Variants in TOP1 observed in about 807,000 individuals in gnomAD.
The protein encoded by TOP1 is DNA topoisomerase I.
A neutral mutation model predicts 111.1 loss-of-function variants in TOP1; 10 were observed. That is an observed-to-expected ratio of 0.09 (90% CI 0.06 to 0.15). TOP1 has a LOEUF of 0.15. Among genes scored for constraint, TOP1 ranks in the 10% least tolerant of loss-of-function variants. The probability of loss-of-function intolerance (pLI) is 1.00; values close to 1 mark genes in which losing one functional copy is unlikely to be tolerated. For missense variants in TOP1, 474 were observed against 926.7 expected (o/e 0.51, Z 6.34); for synonymous variants, 271 against 302.9 (o/e 0.89, Z 1.10).
At chr20:41,035,524 T>C (rs879672208) in intron 2 of TOP1, among the ~76,000 whole-genome samples, 11 of 152,210 alleles carry the variant, frequency 7.2e-5, no homozygotes, top group Non-Finnish European at 1.2e-4. Context: ...TATTTGTTGT[T>C]GTAAATGATG....
rs1483871223 is a variant in TOP1 at position 41,034,870 on chromosome 20, C to G, written c.58+5415C>G. Among the ~76,000 whole-genome samples the G allele has an allele frequency of 1.3e-5, 2 of 151,608 alleles. No individual in the cohort carries two copies. The highest frequency in any genetic ancestry group is 2.9e-5 in the Non-Finnish European group (2 of 67,936). The stretch of plus-strand genomic sequence containing the variant: ...GAAGGTAGGCAACTTTTAATTTTAA[C>G]TTCTTTCCTTTACTTTTTTTTTGGG... On this transcript the variant is annotated intron_variant, in intron 2 of 20. Coordinates refer to ENST00000361337, the MANE Select transcript of TOP1 (RefSeq NM_003286.4). This position sits in a 1 kb window ranked among gnomAD's most constrained non-coding sequence, Gnocchi z 4.0.
Position 41,112,815 on chromosome 20 carries a change from C to T in TOP1, c.1342C>T (p.Arg448Trp), listed in dbSNP as rs2145964007. Reference sequence around the variant, plus strand: ...GGACTGGCAGAAATACGAGACTGCTCGGCGGCTGAAAAAATGTGTGGACAA... The same window carrying T: ...GGACTGGCAGAAATACGAGACTGCTTGGCGGCTGAAAAAATGTGTGGACAA... ...EKDWQKYETA[R>W]RLKKCVDKIR... is the part of the protein sequence containing the mutation. The change falls in exon 14 of 21, where the codon CGG becomes TGG. Residue 448 changes from arginine (R) to tryptophan (W), a missense_variant. By Grantham distance (101) the Arg-to-Trp change is moderately radical. Coordinates refer to ENST00000361337, the MANE Select transcript of TOP1 (RefSeq NM_003286.4). The surrounding 1 kb of genome is among the most constrained non-coding windows in gnomAD (Gnocchi z 5.8). The T allele has an allele frequency of 6.2e-7, 1 of 1,614,174 alleles. No individual in the cohort carries two copies. Among genetic ancestry groups the T allele is most frequent in the South Asian group, 1.1e-5 (1 of 91,076 alleles).
intron 13 of TOP1, among the ~76,000 whole-genome samples, chr20:41,111,107 G>C (rs562920910): frequency 6.6e-6 from 1 of 152,160 alleles, no homozygotes; most frequent in African/African-American, 2.4e-5. Context: ...CTGAGCAAAC[G>C]TAACCCTAGG....
rs2033642297 is a variant in TOP1 at position 41,069,155 on chromosome 20, T to C, written c.156-7016T>C. On this transcript the variant is annotated intron_variant, in intron 3 of 20. Coordinates refer to ENST00000361337, the MANE Select transcript of TOP1 (RefSeq NM_003286.4). The surrounding 1 kb of genome is among the most constrained non-coding windows in gnomAD (Gnocchi z 4.1). ...GTTCCAAATCCTACCTGAATTGTAATTGAGAGAATGTAGGATTTTAGGAAT... is the reference window on the plus strand; with the variant it reads ...GTTCCAAATCCTACCTGAATTGTAACTGAGAGAATGTAGGATTTTAGGAAT... Among the ~76,000 whole-genome samples the C allele has an allele frequency of 6.6e-6, 1 of 152,228 alleles. No individual in the cohort carries two copies. The highest frequency in any genetic ancestry group is 6.5e-5 in the Admixed American group (1 of 15,288).
chr20:41,064,221 C>T (rs758229348), intron 3 of TOP1, among the ~76,000 whole-genome samples: 1 of 151,996 alleles, frequency 6.6e-6, no homozygotes, highest in Non-Finnish European at 1.5e-5. Context: ...AGATTGCTGT[C>T]GGTGTGTGGT....
chr20:41,055,571 C>G (rs967181227), intron 2 of TOP1, among the ~76,000 whole-genome samples: 1 of 152,172 alleles, frequency 6.6e-6, no homozygotes, highest in African/African-American at 2.4e-5. Flanking sequence ...TCCATCATTT[C>G]TCCAGTATTT....
At chr20:41,119,269 T>C (rs1463361930) in intron 18 of TOP1, among the ~76,000 whole-genome samples, 1 of 152,200 alleles carries the variant, frequency 6.6e-6, no homozygotes, top group African/African-American at 2.4e-5. Context: ...TAAGTGCTGC[T>C]GCTATTACTA....
At chr20:41,040,862 C>T (rs941307261) in intron 2 of TOP1, among the ~76,000 whole-genome samples, 6 of 150,456 alleles carry the variant, frequency 4.0e-5, no homozygotes, top group Non-Finnish European at 5.9e-5. Flanking sequence ...ATTTCTTATA[C>T]CCTGGAATGA....
chr20:41,100,355 G>A lies in TOP1; in HGVS notation c.1163+112G>A. On this transcript the variant is annotated intron_variant, in intron 12 of 20. Transcript: ENST00000361337. The surrounding 1 kb of genome is among the most constrained non-coding windows in gnomAD (Gnocchi z 4.4). The stretch of plus-strand genomic sequence containing the variant: ...ACTGTTTGGGAAGGGAGATACTTAA[G>A]AGCAGGACAGTATTTCATGCGTAGG... 1 of 844,790 alleles carries A rather than the reference G, an allele frequency of 1.2e-6. No individual in the cohort carries two copies. The highest frequency in any genetic ancestry group is 1.8e-6 in the Non-Finnish European group (1 of 551,960). 52.3% of individuals were successfully genotyped at this position (844,790 alleles called of 1,614,324 possible). A position where few individuals can be genotyped will look rare whatever the true frequency, so the allele number is the denominator to read the frequency against.
rs2034326325 is a variant in TOP1, at chr20:41,116,149, C to A, written c.1708-129C>A. The stretch of plus-strand genomic sequence containing the variant: ...ATTCTGGAATTCTTTTCCTCTTTCC[C>A]TAACTTCCCACTTGTAGGGCAATAA... On this transcript the variant is annotated intron_variant, in intron 16 of 20. Coordinates refer to ENST00000361337, the MANE Select transcript of TOP1 (RefSeq NM_003286.4). The surrounding 1 kb of genome is among the most constrained non-coding windows in gnomAD (Gnocchi z 5.6). 3.2e-6 allele frequency: 2 copies of A among 618,070 alleles called. No homozygotes were observed. The highest frequency in any genetic ancestry group is 3.9e-5 in the South Asian group (2 of 51,384). 38.3% of individuals were successfully genotyped at this position (618,070 alleles called of 1,614,324 possible). A position where few individuals can be genotyped will look rare whatever the true frequency, so the allele number is the denominator to read the frequency against.
In TOP1 at chr20:41,043,455, G is replaced by C. The variant is rs148438516; in HGVS notation, c.58+14000G>C. On this transcript the variant is annotated intron_variant, in intron 2 of 20. Transcript: ENST00000361337. ...CAGTTATATGATTAACACCAGAAAG[G>C]TTTCTTGTATTTCTACTGAATATAT... Among the ~76,000 whole-genome samples the C allele has an allele frequency of 2.6e-5, 4 of 152,268 alleles. No homozygotes were observed. In the East Asian group the frequency reaches 5.8e-4, roughly 22 times the overall value.
Position 41,029,362 on chromosome 20 carries a change from C to T in TOP1, c.34-69C>T, listed in dbSNP as rs1266638013. 5 of 1,392,008 alleles carry T rather than the reference C, an allele frequency of 3.6e-6. No homozygotes were observed. Among genetic ancestry groups the T allele is most frequent in the Non-Finnish European group, 4.7e-6 (5 of 1,055,988 alleles). 86.2% of individuals were successfully genotyped at this position (1,392,008 alleles called of 1,614,324 possible). ...GGGCGCAGGGTGAGCCAGACCCCGG[C>T]CGCGCGCGCTCGCCGCCGGAGGGGT... On this transcript the variant is annotated intron_variant, in intron 1 of 20. Coordinates refer to ENST00000361337, the MANE Select transcript of TOP1 (RefSeq NM_003286.4). This position sits in a 1 kb window ranked among gnomAD's most constrained non-coding sequence, Gnocchi z 6.1.
chr20:41,088,275 G>T (rs1356353782), intron 8 of TOP1, among the ~76,000 whole-genome samples: 2 of 152,196 alleles, frequency 1.3e-5, no homozygotes, highest in African/African-American at 4.8e-5. Context: ...GAAGCGGGCA[G>T]ATCACGAGGT....
chr20:41,051,863 G>C (rs1286187697), intron 2 of TOP1, among the ~76,000 whole-genome samples: 1 of 152,050 alleles, frequency 6.6e-6, no homozygotes, highest in Non-Finnish European at 1.5e-5. Context: ...GCTGACTTCA[G>C]TTCTATGTAA....
Position 41,098,126 on chromosome 20 carries a change from G to C in TOP1, c.853-89G>C, listed in dbSNP as rs2034007795. ...TCCAGAAACCTTTGACTGAAAAAATGGTGCTTGGGTGTATTTGCAAAGAAA... is the reference window on the plus strand; with the variant it reads ...TCCAGAAACCTTTGACTGAAAAAATCGTGCTTGGGTGTATTTGCAAAGAAA... On this transcript the variant is annotated intron_variant, in intron 10 of 20. Transcript: ENST00000361337. This position sits in a 1 kb window ranked among gnomAD's most constrained non-coding sequence, Gnocchi z 5.7. The C allele has an allele frequency of 7.3e-7, 1 of 1,364,980 alleles. No individual in the cohort carries two copies. The highest frequency in any genetic ancestry group is 1.5e-5 in the African/African-American group (1 of 68,834). 84.6% of individuals were successfully genotyped at this position (1,364,980 alleles called of 1,614,324 possible).
At chr20:41,054,038 G>A (rs1045056016) in intron 2 of TOP1, among the ~76,000 whole-genome samples, 4 of 152,146 alleles carry the variant, frequency 2.6e-5, no homozygotes, top group African/African-American at 4.8e-5. Flanking sequence ...TGAGGAAATC[G>A]TTACCACCCA....
In TOP1 at chr20:41,030,975, G is replaced by T. The variant is rs1157353777; in HGVS notation, c.58+1520G>T. Among the ~76,000 whole-genome samples, 2 of 152,204 alleles carry T rather than the reference G, an allele frequency of 1.3e-5. No individual in the cohort carries two copies. Among genetic ancestry groups the T allele is most frequent in the Non-Finnish European group, 2.9e-5 (2 of 68,038 alleles). On this transcript the variant is annotated intron_variant, in intron 2 of 20. Coordinates refer to ENST00000361337, the MANE Select transcript of TOP1 (RefSeq NM_003286.4). The surrounding 1 kb of genome is among the most constrained non-coding windows in gnomAD (Gnocchi z 4.1). ...TTGCTCTCAATTCAGTCTATTGGGG[G>T]AGACATAATTAGTTAATTATAAGGT...
In TOP1 at chr20:41,121,239, C is replaced by T. The variant is rs79232531; in HGVS notation, c.1951-457C>T. On this transcript the variant is annotated intron_variant, in intron 18 of 20. Transcript: ENST00000361337. This position sits in a 1 kb window ranked among gnomAD's most constrained non-coding sequence, Gnocchi z 4.2. ...CAGAGTACTGGTGGGATCTGAGGAA[C>T]GAGCTGGGGTTGCCCAGTAGATGCA... Among the ~76,000 whole-genome samples, 4,879 of 152,222 alleles carry T rather than the reference C, an allele frequency of 0.032. 110 individuals are homozygous for T. The highest frequency in any genetic ancestry group is 0.054 in the Non-Finnish European group (3,685 of 68,002).
chr20:41,120,175 A>G (rs2034399344), intron 18 of TOP1, among the ~76,000 whole-genome samples: 1 of 152,266 alleles, frequency 6.6e-6, no homozygotes, highest in African/African-American at 2.4e-5. Context: ...TTAAAAGATC[A>G]TGGTTTGCTA....
Sources: gnomAD v4.1 joint callset for allele counts (sites outside exome capture counted in the v4.1 genomes callset) on GRCh38, gnomAD v4.1.1 for gene constraint, Gnocchi (gnomAD v3.1) non-coding constraint, MANE v1.5 for transcripts, NCBI Gene and HGNC (gene_info 2026-07-23, HGNC 2026-07-21) for gene names.